The following SLC35F1 variants were observed in gnomAD, a reference collection of about 807,000 sequenced individuals.
SLC35F1 encodes chromosome 6 open reading frame 169.
A neutral mutation model predicts 48.7 loss-of-function variants in SLC35F1; 14 were observed. That is an observed-to-expected ratio of 0.29 (90% CI 0.19 to 0.45). The LOEUF is 0.45. Among genes scored for constraint, SLC35F1 ranks in the 20% least tolerant of loss-of-function variants. SLC35F1 has a pLI of 1.00. For synonymous variants in SLC35F1, 190 were observed against 202.2 expected (o/e 0.94, Z 0.51); for missense variants, 404 against 500.0 (o/e 0.81, Z 1.83).
intron 2 of SLC35F1, among the ~76,000 whole-genome samples, chr6:118,184,219 C>T (rs1196431915): frequency 6.6e-6 from 1 of 152,150 alleles, no homozygotes; most frequent in African/African-American, 2.4e-5. Flanking sequence ...CCTGGTTGGC[C>T]TACAACAATG....
intron 1 of SLC35F1, among the ~76,000 whole-genome samples, chr6:117,954,882 A>G (rs1410738162): frequency 3.9e-5 from 6 of 152,328 alleles, no homozygotes; most frequent in Non-Finnish European, 5.9e-5. Flanking sequence ...TTTCTTACTC[A>G]TTGACTGTTA....
intron 1 of SLC35F1, among the ~76,000 whole-genome samples, chr6:117,939,981 A>C (rs923640544): frequency 7.2e-5 from 11 of 152,216 alleles, no homozygotes; most frequent in Non-Finnish European, 5.9e-5. Context: ...AGTTGTCTTC[A>C]TGCCAGTCTA....
chr6:118,260,980 C>T (rs951305058), intron 3 of SLC35F1, among the ~76,000 whole-genome samples: 2 of 152,128 alleles, frequency 1.3e-5, no homozygotes, highest in African/African-American at 4.8e-5. Flanking sequence ...TTACTCTGTT[C>T]ACTTGACTGG....
chr6:118,260,861 T>C (rs1327603860), intron 3 of SLC35F1, among the ~76,000 whole-genome samples: 1 of 152,228 alleles, frequency 6.6e-6, no homozygotes, highest in African/African-American at 2.4e-5. Context: ...TTTATCCCTG[T>C]AATATTAGTT....
intron 7 of SLC35F1, among the ~76,000 whole-genome samples, chr6:118,306,718 G>T (rs867480107): frequency 3.1e-4 from 47 of 152,298 alleles, no homozygotes; most frequent in Middle Eastern, 3.4e-3. Flanking sequence ...CTTCTGGCTT[G>T]GCTATTACGG....
chr6:118,087,559 T>C (rs1405585721), intron 1 of SLC35F1, among the ~76,000 whole-genome samples: 1 of 152,176 alleles, frequency 6.6e-6, no homozygotes, highest in East Asian at 1.9e-4. Context: ...CAAGTCATTA[T>C]GATTGTCTCT....
intron 1 of SLC35F1, among the ~76,000 whole-genome samples, chr6:118,022,913 G>T (rs779514252): frequency 6.6e-6 from 1 of 152,016 alleles, no homozygotes; most frequent in Non-Finnish European, 1.5e-5. Context: ...ACTACGCCGG[G>T]CTAATTCTTT....
At position 118,068,486 on chromosome 6, in the gene SLC35F1, C is replaced by T. The variant is rs76339774; in HGVS notation, c.174-85959C>T. On this transcript the variant is annotated intron_variant, in intron 1 of 7. Coordinates refer to ENST00000360388, the MANE Select transcript of SLC35F1 (RefSeq NM_001029858.4). ...CAACTCTCCCCTTGCTACCTAATCCCAGCTGGAGGAAACAAATGGTTTTTC... is the reference window on the plus strand; with the variant it reads ...CAACTCTCCCCTTGCTACCTAATCCTAGCTGGAGGAAACAAATGGTTTTTC... Among the ~76,000 whole-genome samples, 490 of 152,254 alleles carry T rather than the reference C, an allele frequency of 3.2e-3. 1 individual carries two copies. The highest frequency in any genetic ancestry group is 0.01 in the African/African-American group (426 of 41,538).
At chr6:117,964,092 G>T (rs936342352) in intron 1 of SLC35F1, among the ~76,000 whole-genome samples, 1 of 152,158 alleles carries the variant, frequency 6.6e-6, no homozygotes, top group African/African-American at 2.4e-5. Flanking sequence ...TTCTGTTCTT[G>T]TGTTAGTTTG....
intron 1 of SLC35F1, among the ~76,000 whole-genome samples, chr6:118,074,713 G>C (rs945967540): frequency 2.6e-5 from 4 of 152,162 alleles, no homozygotes; most frequent in African/African-American, 4.8e-5. Context: ...GCAGTGGCAT[G>C]ATCACAACTC....
chr6:117,995,972 T>C (rs1776982494), intron 1 of SLC35F1, among the ~76,000 whole-genome samples: 1 of 152,102 alleles, frequency 6.6e-6, no homozygotes, highest in Admixed American at 6.5e-5. Context: ...TGAAATAAAA[T>C]TACAGCAGAG....
chr6:118,117,698 C>T (rs2114395255), intron 1 of SLC35F1, among the ~76,000 whole-genome samples: 1 of 152,254 alleles, frequency 6.6e-6, no homozygotes, highest in Non-Finnish European at 1.5e-5. Context: ...GGAATATTTT[C>T]ATCCCCCTAA....
At chr6:118,173,949 G>A (rs763447087) in intron 2 of SLC35F1, among the ~76,000 whole-genome samples, 1 of 152,172 alleles carries the variant, frequency 6.6e-6, no homozygotes, top group African/African-American at 2.4e-5. Flanking sequence ...CAGATTCCAT[G>A]CCTGAAGAAG....
chr6:117,979,158 G>T (rs964018695), intron 1 of SLC35F1, among the ~76,000 whole-genome samples: 7 of 152,328 alleles, frequency 4.6e-5, no homozygotes, highest in Non-Finnish European at 1.0e-4. Context: ...GAAAGCTAGC[G>T]AAGAGCAGCT....
intron 1 of SLC35F1, among the ~76,000 whole-genome samples, chr6:118,090,100 A>C (rs975441077): frequency 1.3e-5 from 2 of 152,214 alleles, no homozygotes; most frequent in African/African-American, 4.8e-5. Context: ...AATTATAAAA[A>C]TTCTGGCAGG....
chr6:118,317,170 C>T lies in SLC35F1; in HGVS notation c.*2918C>T, dbSNP rs1353165406. ...CGAACCACAATTCTCCTGAACCCTG[C>T]TAGAGATTAAGTGGTGGTTCTCACT... On this transcript the variant is annotated 3_prime_UTR_variant, in exon 8 of 8. Coordinates refer to ENST00000360388, the MANE Select transcript of SLC35F1 (RefSeq NM_001029858.4). 1 of 152,564 alleles carries T rather than the reference C, an allele frequency of 6.6e-6. No homozygotes were observed. The allele number at this position is 152,564 out of a possible 1,614,324, so 9.5% of individuals were successfully genotyped here. A position where few individuals can be genotyped will look rare whatever the true frequency, so the allele number is the denominator to read the frequency against.
intron 1 of SLC35F1, among the ~76,000 whole-genome samples, chr6:118,010,251 G>A (rs1161013436): frequency 6.6e-6 from 1 of 152,076 alleles, no homozygotes; most frequent in African/African-American, 2.4e-5. Context: ...TTTACTGATG[G>A]TTTGACACAA....
At chr6:118,197,000 AT>A (rs1774811026) in intron 2 of SLC35F1, among the ~76,000 whole-genome samples, 1 of 150,566 alleles carries the variant, frequency 6.6e-6, no homozygotes, top group African/African-American at 2.4e-5. Flanking sequence ...TTACTTGACC[AT>A]TTTAGATACT....
intron 1 of SLC35F1, among the ~76,000 whole-genome samples, chr6:117,989,141 G>A (rs78888777): frequency 0.02 from 3,092 of 152,220 alleles, 106 homozygotes; most frequent in African/African-American, 0.07. Context: ...ATTGCATTCA[G>A]CAATCCCTCC....
Sources: allele counts gnomAD v4.1 joint callset (sites outside exome capture counted in the v4.1 genomes callset), GRCh38; gene constraint gnomAD v4.1.1; transcripts MANE v1.5; gene names NCBI Gene and HGNC (gene_info 2026-07-23, HGNC 2026-07-21).